PCDHGA5: variants seen among roughly 807,000 people sequenced by gnomAD.
PCDHGA5 encodes the protein protocadherin gamma-A5.
Under a neutral mutation model 56.7 loss-of-function variants are expected in PCDHGA5, and 36 were observed. The ratio of observed to expected loss-of-function variants is 0.64; its 90% confidence interval spans 0.49 to 0.84. The LOEUF (loss-of-function observed/expected upper bound fraction) is 0.84. PCDHGA5 is among the 40% of genes least tolerant of loss of function. PCDHGA5 has a pLI of 0.00. For missense variants in PCDHGA5, 1,305 were observed against 1,201.5 expected (o/e 1.09, Z -1.27); for synonymous variants, 563 against 520.2 (o/e 1.08, Z -1.12).
chr5:141,427,260 AC>A (rs1388196814), intron 1 of PCDHGA5: 1 of 456,770 alleles, frequency 2.2e-6, no homozygotes, highest in Admixed American at 2.3e-5. Flanking sequence ...TGGAGGCATG[AC>A]CAGCGAATGT....
Position 141,365,241 on chromosome 5 carries a change from T to C in PCDHGA5, c.911T>C (p.Leu304Pro). The C allele has an allele frequency of 6.2e-7, 1 of 1,614,002 alleles. No individual in the cohort carries two copies. Among genetic ancestry groups the C allele is most frequent in the Non-Finnish European group, 8.5e-7 (1 of 1,179,888 alleles). The change falls in exon 1 of 4, where the codon CTA becomes CCA. Residue 304 changes from leucine to proline, a missense_variant. Coordinates refer to ENST00000518069, the MANE Select transcript of PCDHGA5 (RefSeq NM_018918.3). ...TCCAACCTGGGGGAAATCTCAACTC[T>C]ACAATCACTGGACTATGAAGAATCC... The part of the protein sequence containing the change: ...LDSNLGEIST[L>P]QSLDYEESRF...
chr5:141,397,876 C>A (rs2093580679), intron 1 of PCDHGA5: 1 of 579,756 alleles, frequency 1.7e-6, no homozygotes, highest in East Asian at 2.9e-5. Flanking sequence ...TGACTCTGGG[C>A]GCCGCTGTTG....
Position 141,431,518 on chromosome 5 carries a change from G to T in PCDHGA5, c.2422-63289G>T. 6.2e-7 allele frequency: 1 copy of T among 1,614,090 alleles called. No individual in the cohort carries two copies. Among genetic ancestry groups the T allele is most frequent in the Non-Finnish European group, 8.5e-7 (1 of 1,180,038 alleles). ...CCGAGTACCGCGCGAGCGTTCCGGA[G>T]AATCTGGCCTTGGGCACGCAGCTGC... On this transcript the variant is annotated intron_variant, in intron 1 of 3. Coordinates refer to ENST00000518069, the MANE Select transcript of PCDHGA5 (RefSeq NM_018918.3). The surrounding 1 kb of genome is among the most constrained non-coding windows in gnomAD (Gnocchi z 4.8).
At chr5:141,452,966 G>T (rs996204633) in intron 1 of PCDHGA5, among the ~76,000 whole-genome samples, 6 of 152,098 alleles carry the variant, frequency 3.9e-5, no homozygotes, top group Admixed American at 1.3e-4. Context: ...TAAACTGAGG[G>T]TATATTGTCA....
chr5:141,384,247 C>T (rs1779885951), intron 1 of PCDHGA5: 1 of 1,613,912 alleles, frequency 6.2e-7, no homozygotes, highest in Non-Finnish European at 8.5e-7. Flanking sequence ...CGATAACCCA[C>T]CCACCTTCCC....
intron 1 of PCDHGA5, chr5:141,384,667 A>G: frequency 6.2e-7 from 1 of 1,614,186 alleles, no homozygotes. Context: ...CCTGGTGACC[A>G]AGGTGGTGGC....
chr5:141,443,308 C>T (rs1484035480), intron 1 of PCDHGA5, among the ~76,000 whole-genome samples: 7 of 136,252 alleles, frequency 5.1e-5, no homozygotes, highest in African/African-American at 2.2e-4. Context: ...TGGCAAAAAC[C>T]CATCTCTACA....
At chr5:141,383,501 A>G in intron 1 of PCDHGA5, 1 of 1,612,940 alleles carries the variant, frequency 6.2e-7, no homozygotes. Context: ...CGGGTGCTGG[A>G]CCGGGAGGAA....
chr5:141,419,117 G>T (rs1362880648), intron 1 of PCDHGA5: 1 of 1,613,718 alleles, frequency 6.2e-7, no homozygotes, highest in African/African-American at 1.3e-5. Context: ...AGAGTACAAC[G>T]TCACCATCGC....
At chr5:141,379,666 A>C (rs1254771519) in intron 1 of PCDHGA5, 1 of 152,160 alleles carries the variant, frequency 6.6e-6, no homozygotes, top group East Asian at 1.9e-4. Context: ...CTCTCACAAA[A>C]GTCATTCACT....
intron 1 of PCDHGA5, chr5:141,409,250 A>G: frequency 6.2e-7 from 1 of 1,614,024 alleles, no homozygotes; most frequent in Non-Finnish European, 8.5e-7. Flanking sequence ...AATAATCATC[A>G]CTTCTCTCTC....
At chr5:141,405,352 T>C (rs747137239) in intron 1 of PCDHGA5, 12 of 1,614,170 alleles carry the variant, frequency 7.4e-6, no homozygotes, top group Middle Eastern at 1.6e-4. Flanking sequence ...CCAAGTTTCC[T>C]ATAGAAGACA....
At chr5:141,401,726 A>T (rs943909540) in intron 1 of PCDHGA5, among the ~76,000 whole-genome samples, 1 of 152,186 alleles carries the variant, frequency 6.6e-6, no homozygotes, top group African/African-American at 2.4e-5. Context: ...AAAAACTACT[A>T]GTCTTGTGTA....
At chr5:141,407,415 A>C (rs1561707597) in intron 1 of PCDHGA5, among the ~76,000 whole-genome samples, 1 of 152,228 alleles carries the variant, frequency 6.6e-6, no homozygotes, top group Non-Finnish European at 1.5e-5. Flanking sequence ...TCGATACCAC[A>C]AAAATGTCTC....
chr5:141,501,441 A>G (rs547792017), intron 2 of PCDHGA5, among the ~76,000 whole-genome samples: 1 of 151,898 alleles, frequency 6.6e-6, no homozygotes, highest in African/African-American at 2.4e-5. Context: ...CATTTCTTCC[A>G]TTTTTACTTT....
At chr5:141,376,589 C>A in intron 1 of PCDHGA5, 1 of 1,568,198 alleles carries the variant, frequency 6.4e-7, no homozygotes, top group South Asian at 1.2e-5. Context: ...TCAGCTAGAT[C>A]GGCTGTTATA....
intron 1 of PCDHGA5, chr5:141,383,716 G>A (rs1012308132): frequency 6.2e-7 from 1 of 1,614,012 alleles, no homozygotes; most frequent in Non-Finnish European, 8.5e-7. Context: ...GGACGAGGGA[G>A]TCAATGGGGA....
intron 1 of PCDHGA5, chr5:141,376,964 G>C (rs1365805251): frequency 6.2e-6 from 1 of 160,316 alleles, no homozygotes; most frequent in Non-Finnish European, 1.4e-5. Flanking sequence ...TGGGATTACA[G>C]GCGTGAGCCA....
At chr5:141,415,036 T>C (rs772612744) in intron 1 of PCDHGA5, 1 of 1,613,526 alleles carries the variant, frequency 6.2e-7, no homozygotes, top group Admixed American at 1.7e-5. Context: ...GCCGGGACTC[T>C]TCGCGGTGGG....
Sources: allele counts gnomAD v4.1 joint callset (sites outside exome capture counted in the v4.1 genomes callset), GRCh38; gene constraint gnomAD v4.1.1; non-coding constraint Gnocchi (gnomAD v3.1); transcripts MANE v1.5; gene names NCBI Gene and HGNC (gene_info 2026-07-23, HGNC 2026-07-21).